The following DLGAP2 variants were observed in gnomAD, a reference collection of about 807,000 sequenced individuals.
DLGAP2 encodes DLG associated protein 2.
In DLGAP2, 26 loss-of-function variants were observed where a neutral mutation model predicts 100.3. The observed-to-expected ratio is 0.26, with a 90% CI of 0.19 to 0.36. The LOEUF (loss-of-function observed/expected upper bound fraction) is 0.36, where lower values mean the gene tolerates loss of function less well. DLGAP2 is among the 10% of genes least tolerant of loss of function. DLGAP2 has a pLI of 1.00. For synonymous variants in DLGAP2, 886 were observed against 630.1 expected (o/e 1.41, Z -6.08); for missense variants, 1,858 against 1,453.2 (o/e 1.28, Z -4.53).
At chr8:1,264,000 G>A (rs1799402413) in intron 3 of DLGAP2, among the ~76,000 whole-genome samples, 1 of 152,172 alleles carries the variant, frequency 6.6e-6, no homozygotes, top group Non-Finnish European at 1.5e-5. Flanking sequence ...TAGGGTTTTG[G>A]TGGAAATCAG....
chr8:1,417,541 T>C (rs1796937219), intron 3 of DLGAP2, among the ~76,000 whole-genome samples: 1 of 148,938 alleles, frequency 6.7e-6, no homozygotes, highest in South Asian at 2.2e-4. Context: ...GTGAATGCAA[T>C]GGGGATCCGA....
intron 12 of DLGAP2, chr8:1,680,648 C>T (rs1216552751): frequency 6.6e-6 from 1 of 152,214 alleles, no homozygotes; most frequent in Non-Finnish European, 1.5e-5. Context: ...TCAGCACAGC[C>T]GTGTTCCGAT....
At chr8:829,469 G>T (rs957875667) in intron 1 of DLGAP2, among the ~76,000 whole-genome samples, 5 of 152,086 alleles carry the variant, frequency 3.3e-5, no homozygotes, top group African/African-American at 1.2e-4. Context: ...TATAAGTAAA[G>T]AATTCTAAGT....
intron 3 of DLGAP2, among the ~76,000 whole-genome samples, chr8:1,414,608 G>A (rs1040697268): frequency 5.3e-5 from 8 of 152,238 alleles, no homozygotes; most frequent in Admixed American, 3.3e-4. Context: ...GGGACTGAGC[G>A]GAGCTGCCCG....
At chr8:1,054,263 C>T (rs1298141700) in intron 2 of DLGAP2, among the ~76,000 whole-genome samples, 1 of 152,064 alleles carries the variant, frequency 6.6e-6, no homozygotes, top group Non-Finnish European at 1.5e-5. Context: ...CACACACGCA[C>T]ACACACGGAC....
At chr8:738,494 C>G (rs1051541176) in intron 1 of DLGAP2, 2 of 152,246 alleles carry the variant, frequency 1.3e-5, no homozygotes, top group Admixed American at 6.5e-5. Context: ...GGGGTGGTTG[C>G]TAAGCGAGGC....
At chr8:1,565,453 T>G (rs1432501701) in intron 5 of DLGAP2, 1 of 440,670 alleles carries the variant, frequency 2.3e-6, no homozygotes, top group Admixed American at 4.2e-5. Flanking sequence ...TTCTCACATG[T>G]TCTCACTTTA....
intron 5 of DLGAP2, among the ~76,000 whole-genome samples, chr8:1,549,974 C>T (rs73544384): frequency 0.017 from 2,635 of 152,280 alleles, 66 homozygotes; most frequent in African/African-American, 0.059. Context: ...GTCTCTTGAG[C>T]TGACCCCTCC....
At chr8:816,917 G>T (rs1585894751) in intron 1 of DLGAP2, among the ~76,000 whole-genome samples, 2 of 152,130 alleles carry the variant, frequency 1.3e-5, no homozygotes, top group South Asian at 4.1e-4. Context: ...ATATTGAGTG[G>T]ATCACAAGGT....
At chr8:759,516 T>C (rs1821024451) in intron 1 of DLGAP2, among the ~76,000 whole-genome samples, 1 of 151,496 alleles carries the variant, frequency 6.6e-6, no homozygotes, top group South Asian at 2.1e-4. Context: ...CCTCCTGGGC[T>C]GCACATTCCT....
In DLGAP2 at chr8:935,564, C is replaced by T. The variant is rs1483908609; in HGVS notation, c.73+27598C>T. ...AATAAAGCCATAAATGGCACATGTG[C>T]TCACACTGTATTTCTCTTGGACGGT... On this transcript the variant is annotated intron_variant, in intron 2 of 14. Transcript: ENST00000637795. Among the ~76,000 whole-genome samples the T allele has an allele frequency of 2.0e-5, 3 of 152,196 alleles. No individual in the cohort carries two copies. In the East Asian group the frequency reaches 5.8e-4, roughly 29 times the overall value.
At chr8:975,830 T>A (rs80347348) in intron 2 of DLGAP2, among the ~76,000 whole-genome samples, 2,366 of 152,242 alleles carry the variant, frequency 0.016, 74 homozygotes, top group African/African-American at 0.054. Context: ...CAAAACACTC[T>A]TACCATGTTG....
At chr8:1,477,440 G>T (rs1473994437) in intron 3 of DLGAP2, among the ~76,000 whole-genome samples, 2 of 152,226 alleles carry the variant, frequency 1.3e-5, no homozygotes, top group Admixed American at 6.5e-5. Flanking sequence ...GCCTGTCCCT[G>T]CTGGGCCGAT....
At position 1,415,618 on chromosome 8, in the gene DLGAP2, C is replaced by T. The variant is rs75165785; in HGVS notation, c.107-85748C>T. Among the ~76,000 whole-genome samples the T allele has an allele frequency of 1.1e-3, 173 of 152,272 alleles. 2 individuals are homozygous for T. The highest frequency in any genetic ancestry group is 4.0e-3 in the African/African-American group (166 of 41,548). On this transcript the variant is annotated intron_variant, in intron 3 of 14. Transcript: ENST00000637795. ...TGGGACTAAGGCCCCCACCTGCATC[C>T]GTGTTGCTGCAGAGGACGTGATTCC... is the stretch of plus-strand genomic sequence containing the variant.
intron 6 of DLGAP2, among the ~76,000 whole-genome samples, chr8:1,583,062 A>T (rs1795996038): frequency 6.6e-6 from 1 of 152,232 alleles, no homozygotes; most frequent in African/African-American, 2.4e-5. Flanking sequence ...ATCTTATGAA[A>T]CAATGGATCG....
At chr8:1,316,832 G>A (rs1325972460) in intron 3 of DLGAP2, among the ~76,000 whole-genome samples, 1 of 145,294 alleles carries the variant, frequency 6.9e-6, no homozygotes, top group Admixed American at 6.8e-5. Flanking sequence ...TAGAGCCTGT[G>A]CGAGTGCAGC....
At chr8:1,277,704 C>T (rs1354359909) in intron 3 of DLGAP2, among the ~76,000 whole-genome samples, 1 of 152,142 alleles carries the variant, frequency 6.6e-6, no homozygotes, top group African/African-American at 2.4e-5. Flanking sequence ...CTGGCAGCAG[C>T]TGCACCGAGG....
intron 6 of DLGAP2, among the ~76,000 whole-genome samples, chr8:1,571,543 A>G (rs1275696453): frequency 4.1e-3 from 109 of 26,570 alleles, no homozygotes; most frequent in South Asian, 6.5e-3. Flanking sequence ...AGGAGAGAGG[A>G]GTGAACTGTG....
At chr8:1,048,767 G>A (rs1802589971) in intron 2 of DLGAP2, among the ~76,000 whole-genome samples, 1 of 152,032 alleles carries the variant, frequency 6.6e-6, no homozygotes, top group South Asian at 2.1e-4. Flanking sequence ...CGCCGAAGCT[G>A]CAGTCTTGGG....
Sources: gnomAD v4.1 joint callset for allele counts (sites outside exome capture counted in the v4.1 genomes callset) on GRCh38, gnomAD v4.1.1 for gene constraint, MANE v1.5 for transcripts, NCBI Gene and HGNC (gene_info 2026-07-23, HGNC 2026-07-21) for gene names.